CHRNA7: variants seen among roughly 807,000 people sequenced by gnomAD.
CHRNA7 encodes the protein neuronal acetylcholine receptor subunit alpha-7.
A neutral mutation model predicts 48.0 loss-of-function variants in CHRNA7; 17 were observed. The ratio of observed to expected loss-of-function variants is 0.35; its 90% confidence interval spans 0.24 to 0.53. CHRNA7 has a LOEUF of 0.53. Ranked by LOEUF, CHRNA7 falls within the 20% of genes least tolerant of loss-of-function variation. The pLI is 0.92. For missense variants in CHRNA7, 155 were observed against 577.7 expected (o/e 0.27, Z 7.50); for synonymous variants, 75 against 242.3 (o/e 0.31, Z 6.41).
intron 2 of CHRNA7, among the ~76,000 whole-genome samples, chr15:32,071,170 C>G (rs774440580): frequency 6.6e-6 from 1 of 152,070 alleles, no homozygotes; most frequent in Non-Finnish European, 1.5e-5. Flanking sequence ...CAACTAATAC[C>G]ACACAGCCTA....
Position 32,030,809 on chromosome 15 carries a change from G to T in CHRNA7, c.56-89G>T. Reference sequence around the variant, plus strand: ...GGGCTGCTTGTCTGGGCTGCACCGGGTGGGCGGCGGGGGACGCCGGCAGGA... The same window carrying T: ...GGGCTGCTTGTCTGGGCTGCACCGGTTGGGCGGCGGGGGACGCCGGCAGGA... On this transcript the variant is annotated intron_variant, in intron 1 of 9. Coordinates refer to ENST00000306901, the MANE Select transcript of CHRNA7 (RefSeq NM_000746.6). 3.3e-6 allele frequency: 5 copies of T among 1,530,670 alleles called. No homozygotes were observed. The South Asian group carries it at 5.0e-5, about 15-fold the overall frequency. The allele number at this position is 1,530,670 out of a possible 1,614,324, so 94.8% of individuals were successfully genotyped here.
chr15:32,147,379 T>G (rs1352637587), intron 4 of CHRNA7, among the ~76,000 whole-genome samples: 1 of 152,106 alleles, frequency 6.6e-6, no homozygotes, highest in Non-Finnish European at 1.5e-5. Context: ...CATGCACATG[T>G]ATGTCCTGAA....
intron 2 of CHRNA7, 87 bp downstream of exon 2, chr15:32,031,124 G>T (rs116271692): frequency 6.5e-7 from 1 of 1,542,878 alleles, no homozygotes. Flanking sequence ...CCAGGCGGTG[G>T]AGCTCGGCTG....
rs1339294442 is a variant in CHRNA7 at position 32,111,786 on chromosome 15, T to C, written c.241-4T>C. On this transcript the variant is annotated splice_region_variant and splice_polypyrimidine_tract_variant and intron_variant, in intron 3 of 9. Coordinates refer to ENST00000306901, the MANE Select transcript of CHRNA7 (RefSeq NM_000746.6). The stretch of plus-strand genomic sequence containing the variant: ...AGTGCTGCTAATGTCATTGTGTGTG[T>C]CAGTCTTGGACAGATCACTATTTAC... The C allele has an allele frequency of 6.4e-7, 1 of 1,567,326 alleles. No homozygotes were observed. Among genetic ancestry groups the C allele is most frequent in the Non-Finnish European group, 8.7e-7 (1 of 1,142,870 alleles).
intron 2 of CHRNA7, among the ~76,000 whole-genome samples, chr15:32,036,007 G>A (rs1318454191): frequency 6.6e-6 from 1 of 152,118 alleles, no homozygotes; most frequent in East Asian, 1.9e-4. Context: ...ATGTATAATG[G>A]CATAATGTGT....
intron 2 of CHRNA7, among the ~76,000 whole-genome samples, chr15:32,083,643 G>A (rs115609095): frequency 0.013 from 1,921 of 152,214 alleles, 33 homozygotes; most frequent in African/African-American, 0.043. Flanking sequence ...AAACTTGGAC[G>A]TCATCTACAC....
chr15:32,084,781 G>A (rs992710525), intron 2 of CHRNA7, among the ~76,000 whole-genome samples: 4 of 151,948 alleles, frequency 2.6e-5, no homozygotes, highest in South Asian at 2.1e-4. Flanking sequence ...ACAGGCTGGC[G>A]CTGCCTGCAC....
chr15:32,052,310 A>C (rs1183939154), intron 2 of CHRNA7, among the ~76,000 whole-genome samples: 1 of 152,166 alleles, frequency 6.6e-6, no homozygotes, highest in Admixed American at 6.5e-5. Flanking sequence ...GTGGAAATAA[A>C]TATCATATGT....
chr15:32,089,214 T>G (rs889777328), intron 2 of CHRNA7, among the ~76,000 whole-genome samples: 8 of 152,214 alleles, frequency 5.3e-5, no homozygotes, highest in African/African-American at 1.9e-4. Flanking sequence ...CCATTATTCT[T>G]TCAACTATTC....
chr15:32,143,741 C>T lies in CHRNA7; in HGVS notation c.351-10166C>T, dbSNP rs138210106. Among the ~76,000 whole-genome samples, 563 of 152,158 alleles carry T rather than the reference C, an allele frequency of 3.7e-3. 1 individual carries two copies. Among genetic ancestry groups the T allele is most frequent in the Middle Eastern group, 0.01 (3 of 292 alleles). On this transcript the variant is annotated intron_variant, in intron 4 of 9. Coordinates refer to ENST00000306901, the MANE Select transcript of CHRNA7 (RefSeq NM_000746.6). ...TTTATCAGAGACTAGGATTGCAACC[C>T]CTGCTTTTTTTTTGCATTCCATTTG...
At chr15:32,060,915 G>GAGC (rs2049868371) in intron 2 of CHRNA7, among the ~76,000 whole-genome samples, 1 of 152,202 alleles carries the variant, frequency 6.6e-6, no homozygotes, top group Admixed American at 6.5e-5. Context: ...GAGGAGGACA[G>GAGC]AGCACGTAGC....
chr15:32,142,546 C>T (rs2051402716), intron 4 of CHRNA7, among the ~76,000 whole-genome samples: 1 of 152,102 alleles, frequency 6.6e-6, no homozygotes, highest in Non-Finnish European at 1.5e-5. Context: ...TTTGTCTGGT[C>T]CTGGACTTTT....
chr15:32,107,825 G>A (rs2050696163), intron 3 of CHRNA7, among the ~76,000 whole-genome samples: 1 of 151,956 alleles, frequency 6.6e-6, no homozygotes, highest in South Asian at 2.1e-4. Context: ...CTTTACTCCA[G>A]TCACTAGGTG....
chr15:32,105,367 G>T (rs1474614079), intron 3 of CHRNA7, among the ~76,000 whole-genome samples: 1 of 151,692 alleles, frequency 6.6e-6, no homozygotes, highest in African/African-American at 2.4e-5. Flanking sequence ...AGGAGGAGAA[G>T]GAGGAGGAGG....
chr15:32,049,934 A>G (rs7168773), intron 2 of CHRNA7, among the ~76,000 whole-genome samples: 134,010 of 152,104 alleles, frequency 0.88, 59,704 homozygotes, highest in South Asian at 0.95. Flanking sequence ...ATGAAATTCT[A>G]GGTGAAAATT....
intron 4 of CHRNA7, among the ~76,000 whole-genome samples, chr15:32,112,596 C>T (rs2050781746): frequency 6.6e-6 from 1 of 152,194 alleles, no homozygotes; most frequent in Admixed American, 6.5e-5. Context: ...GATCCCAGAA[C>T]ATTTCTGACT....
chr15:32,122,597 T>G (rs1185428446), intron 4 of CHRNA7, among the ~76,000 whole-genome samples: 1 of 152,192 alleles, frequency 6.6e-6, no homozygotes, highest in Non-Finnish European at 1.5e-5. Flanking sequence ...CTAAATAGTT[T>G]GTTTTTTATT....
intron 2 of CHRNA7, among the ~76,000 whole-genome samples, chr15:32,035,080 A>G (rs181032481): frequency 2.0e-5 from 3 of 152,378 alleles, no homozygotes; most frequent in Non-Finnish European, 2.9e-5. Flanking sequence ...AATATACATC[A>G]ATAAATTTGC....
chr15:32,141,487 C>T (rs1439905726), intron 4 of CHRNA7, among the ~76,000 whole-genome samples: 1 of 152,178 alleles, frequency 6.6e-6, no homozygotes, highest in Non-Finnish European at 1.5e-5. Flanking sequence ...ATGGGGATGG[C>T]ATTGAATCTG....
Sources: allele counts gnomAD v4.1 joint callset (sites outside exome capture counted in the v4.1 genomes callset), GRCh38; gene constraint gnomAD v4.1.1; transcripts MANE v1.5; gene names NCBI Gene and HGNC (gene_info 2026-07-23, HGNC 2026-07-21).